Variants in EZH2 observed in about 807,000 individuals in gnomAD.
EZH2 encodes histone-lysine N-methyltransferase EZH2.
In EZH2, 18 loss-of-function variants were observed where a neutral mutation model predicts 98.4. That is an observed-to-expected ratio of 0.18 (90% CI 0.13 to 0.27). EZH2 has a LOEUF of 0.27. EZH2 is among the 10% of genes least tolerant of loss of function. The probability of loss-of-function intolerance (pLI) is 1.00; values close to 1 mark genes in which losing one functional copy is unlikely to be tolerated. For synonymous variants in EZH2, 338 were observed against 312.3 expected (o/e 1.08, Z -0.87); for missense variants, 470 against 935.1 (o/e 0.50, Z 6.49).
chr7:148,847,063 CATCTT>C, intron 2 of EZH2, 114 bp downstream of exon 2: 1 of 1,157,886 alleles, frequency 8.6e-7, no homozygotes, highest in Non-Finnish European at 1.2e-6. Context: ...AGTATTCACT[CATCTT>C]ATTGTAAATA....
chr7:148,828,337 CT>C (rs888097847), intron 6 of EZH2, among the ~76,000 whole-genome samples: 4 of 149,712 alleles, frequency 2.7e-5, no homozygotes, highest in South Asian at 2.1e-4. Flanking sequence ...AAGTATTATG[CT>C]TTTTTTTTTC....
intron 3 of EZH2, among the ~76,000 whole-genome samples, chr7:148,841,164 CA>C (rs1812325043): frequency 6.6e-6 from 1 of 150,612 alleles, no homozygotes; most frequent in African/African-American, 2.4e-5. Flanking sequence ...TATATGAACT[CA>C]AATATCACAA....
At chr7:148,853,657 T>G (rs1167803877) in intron 1 of EZH2, among the ~76,000 whole-genome samples, 1 of 152,184 alleles carries the variant, frequency 6.6e-6, no homozygotes, top group Non-Finnish European at 1.5e-5. Flanking sequence ...TAATACAATG[T>G]AAATATTACA....
At chr7:148,860,403 T>C (rs986939698) in intron 1 of EZH2, among the ~76,000 whole-genome samples, 14 of 152,038 alleles carry the variant, frequency 9.2e-5, no homozygotes, top group Admixed American at 3.9e-4. Context: ...GATGCAATCA[T>C]ATGAGAAGGA....
chr7:148,825,018 T>C (rs1807293904), intron 8 of EZH2, among the ~76,000 whole-genome samples: 2 of 152,112 alleles, frequency 1.3e-5, no homozygotes, highest in Non-Finnish European at 2.9e-5. Flanking sequence ...AAACTTGTAA[T>C]GTTTAAAAGT....
At chr7:148,879,677 G>A (rs1233696753) in intron 1 of EZH2, among the ~76,000 whole-genome samples, 1 of 151,926 alleles carries the variant, frequency 6.6e-6, no homozygotes, top group African/African-American at 2.4e-5. Flanking sequence ...GTGACAGAGT[G>A]ACACTGCATC....
Position 148,814,279 on chromosome 7 carries a change from A to T in EZH2, c.1673-142T>A, listed in dbSNP as rs1803954752. 6 of 689,940 alleles carry T rather than the reference A, an allele frequency of 8.7e-6. 1 individual carries two copies. In the South Asian group the frequency reaches 1.3e-4, roughly 15 times the overall value. 42.7% of individuals were successfully genotyped at this position (689,940 alleles called of 1,614,324 possible). ...TATTACCCTACTATATAGACAAGGA[A>T]ATGGAAGTATTAACAGCGAAGTTAT... On this transcript the variant is annotated intron_variant, in intron 14 of 19. Transcript: ENST00000320356.
Position 148,816,734 on chromosome 7 carries a change from A to G in EZH2, c.1455T>C (p.Ala485=). The G allele has an allele frequency of 6.2e-7, 1 of 1,614,128 alleles. No individual in the cohort carries two copies. The highest frequency in any genetic ancestry group is 8.5e-7 in the Non-Finnish European group (1 of 1,180,000). Residue 485 remains alanine (A), a synonymous_variant, in exon 12 of 20, where the codon GCT becomes GCC. Transcript: ENST00000320356. ...RVKESSIIAP[A]PAEDVDTPPR... is the part of the protein sequence containing the mutation. The stretch of plus-strand genomic sequence containing the variant: ...GAGGAGTATCCACATCCTCAGCGGG[A>G]GCTGGAGCTATGATGCTAGATTCTT...
At chr7:148,810,283 G>A in intron 17 of EZH2, 50 bp downstream of exon 17, 1 of 1,374,228 alleles carries the variant, frequency 7.3e-7, no homozygotes, top group Non-Finnish European at 1.0e-6. Context: ...CCGGCAGAAG[G>A]CTGCCACATG....
chr7:148,843,387 C>T (rs1813002673), intron 3 of EZH2, among the ~76,000 whole-genome samples: 1 of 151,662 alleles, frequency 6.6e-6, no homozygotes, highest in Non-Finnish European at 1.5e-5. Flanking sequence ...AAAACAAAAC[C>T]ACACACAGTA....
rs1263788302 is a variant in EZH2 at position 148,827,256 on chromosome 7, G to C, written c.636C>G (p.Ser212Arg). Residue 212 changes from serine to arginine, a missense_variant, in exon 7 of 20, where the codon AGC becomes AGG. Transcript: ENST00000320356. ...CAGAAGGAAATTTCCGAGGTGGGCG[G>C]CTTTCTTTATCTAAACAGGAGAATA... Reference protein sequence around the residue: ...DLEDHRDDKESRPPRKFPSDK... With the variant: ...DLEDHRDDKERRPPRKFPSDK... 1 of 1,612,900 alleles carries C rather than the reference G, an allele frequency of 6.2e-7. No homozygotes were observed. Among genetic ancestry groups the C allele is most frequent in the Non-Finnish European group, 8.5e-7 (1 of 1,179,414 alleles).
chr7:148,869,667 C>A (rs1264452428), intron 1 of EZH2, among the ~76,000 whole-genome samples: 2 of 152,188 alleles, frequency 1.3e-5, no homozygotes, highest in African/African-American at 4.8e-5. Flanking sequence ...GGGCCCACTA[C>A]CTGAGGGAAC....
intron 12 of EZH2, among the ~76,000 whole-genome samples, chr7:148,816,393 G>A (rs986089912): frequency 7.2e-5 from 11 of 152,162 alleles, no homozygotes; most frequent in Admixed American, 1.3e-4. Context: ...AATTGTTTAC[G>A]TAACCTTTAC....
intron 1 of EZH2, among the ~76,000 whole-genome samples, chr7:148,877,806 A>G (rs1273890656): frequency 6.6e-6 from 1 of 152,214 alleles, no homozygotes; most frequent in African/African-American, 2.4e-5. Context: ...CTACTTTTAA[A>G]TGTAACTTTC....
chr7:148,846,601 T>TA lies in EZH2; in HGVS notation c.118-4dup, dbSNP rs3214332. On this transcript the variant is annotated splice_region_variant and splice_polypyrimidine_tract_variant and intron_variant, in intron 2 of 19. Transcript: ENST00000320356. ...TGACGATTGGAACTAAACATACTCT[T>TA]AAAAAAAAAAATGAAGGAGAGGAAA... The TA allele has an allele frequency of 6.6e-4, 959 of 1,458,302 alleles. No homozygotes were observed. The highest frequency in any genetic ancestry group is 1.4e-3 in the South Asian group (115 of 80,674). The allele number at this position is 1,458,302 out of a possible 1,614,324, so 90.3% of individuals were successfully genotyped here.
intron 1 of EZH2, 30 bp from the exon 2 acceptor site, chr7:148,847,335 C>T (rs1814409539): frequency 6.2e-7 from 1 of 1,610,606 alleles, no homozygotes; most frequent in Non-Finnish European, 8.5e-7. Flanking sequence ...ATTAAAATCA[C>T]TAATCTAACC....
intron 18 of EZH2, 70 bp from the exon 19 acceptor site, chr7:148,809,225 TAAC>T: frequency 6.3e-7 from 1 of 1,586,746 alleles, no homozygotes; most frequent in Non-Finnish European, 8.7e-7. Flanking sequence ...CTTGTTCACA[TAAC>T]AAACAACTAT....
chr7:148,869,203 C>T (rs186884543), intron 1 of EZH2, among the ~76,000 whole-genome samples: 2 of 152,160 alleles, frequency 1.3e-5, no homozygotes, highest in Admixed American at 1.3e-4. Flanking sequence ...GATTAAATGC[C>T]AGCTAGGGAG....
At chr7:148,817,724 CAG>C in intron 10 of EZH2, 151 bp downstream of exon 10, 3 of 1,127,252 alleles carry the variant, frequency 2.7e-6, no homozygotes, top group South Asian at 3.0e-5. Flanking sequence ...AGGCAGGAAA[CAG>C]AAACAACACA....
Sources: allele counts gnomAD v4.1 joint callset (sites outside exome capture counted in the v4.1 genomes callset), GRCh38; gene constraint gnomAD v4.1.1; transcripts MANE v1.5; gene names NCBI Gene and HGNC (gene_info 2026-07-23, HGNC 2026-07-21).